The following MYO1E variants were observed in gnomAD, a reference collection of about 807,000 sequenced individuals.
The protein encoded by MYO1E is unconventional myosin-Ie.
MYO1E carries 68 observed loss-of-function variants against 151.1 expected under a neutral mutation model. The ratio of observed to expected loss-of-function variants is 0.45; its 90% confidence interval spans 0.37 to 0.55. The LOEUF is 0.55. Ranked by LOEUF, MYO1E falls within the 20% of genes least tolerant of loss-of-function variation. The pLI, the probability that MYO1E is intolerant of heterozygous loss-of-function variation, is 0.00. For synonymous variants in MYO1E, 601 were observed against 501.7 expected, an observed-to-expected ratio of 1.20 and a Z score of -2.64; for missense variants, 1,363 against 1,389.3, an observed-to-expected ratio of 0.98 and a Z score of 0.30.
intron 9 of MYO1E, 126 bp downstream of exon 9, chr15:59,222,933 G>A: frequency 7.1e-7 from 1 of 1,415,298 alleles, no homozygotes; most frequent in South Asian, 1.3e-5. Context: ...TTGCCACAGA[G>A]GACATGTAGA....
At chr15:59,359,282 T>TATA (rs142339999) in intron 1 of MYO1E, among the ~76,000 whole-genome samples, 7 of 10,156 alleles carry the variant, frequency 6.9e-4, no homozygotes, top group African/African-American at 9.1e-4. Flanking sequence ...TTTACATACA[T>TATA]ATATATATAT....
In MYO1E at chr15:59,294,751, T is replaced by C. The variant is rs376858295; in HGVS notation, c.4-22302A>G. Among the ~76,000 whole-genome samples the C allele has an allele frequency of 4.6e-5, 7 of 152,294 alleles. No individual in the cohort carries two copies. The East Asian group carries it at 9.6e-4, about 21-fold the overall frequency. On this transcript the variant is annotated intron_variant, in intron 1 of 27. Coordinates refer to ENST00000288235, the MANE Select transcript of MYO1E (RefSeq NM_004998.4). ...TCAGTGAGGTTCAAATTCCTTAGCC[T>C]AGCTCATAGCCCACTCTCCTTGCCA...
chr15:59,251,064 T>C (rs1221820793), intron 4 of MYO1E, among the ~76,000 whole-genome samples: 1 of 152,152 alleles, frequency 6.6e-6, no homozygotes, highest in Admixed American at 6.5e-5. Context: ...GGCAGAGGAC[T>C]CTATCAGAAA....
chr15:59,235,254 G>C (rs1051476630), intron 5 of MYO1E, among the ~76,000 whole-genome samples: 1 of 152,110 alleles, frequency 6.6e-6, no homozygotes, highest in Non-Finnish European at 1.5e-5. Flanking sequence ...AACCATGCAA[G>C]TTTCTAAAGG....
chr15:59,213,842 G>T (rs1182212383), intron 12 of MYO1E, among the ~76,000 whole-genome samples: 1 of 152,168 alleles, frequency 6.6e-6, no homozygotes, highest in African/African-American at 2.4e-5. Context: ...AAAAATGCAC[G>T]TATTGTTAGG....
Position 59,208,942 on chromosome 15 carries a change from C to T in MYO1E, c.1363-94G>A, listed in dbSNP as rs148407310. 1.0e-5 allele frequency: 15 copies of T among 1,436,608 alleles called. No homozygotes were observed. In the African/African-American group the frequency reaches 1.5e-4, roughly 15 times the overall value. 89.0% of individuals were successfully genotyped at this position (1,436,608 alleles called of 1,614,324 possible). A position where few individuals can be genotyped will look rare whatever the true frequency, so the allele number is the denominator to read the frequency against. ...TTTCTTAGGCAAGGAAACAGCTCCC[C>T]AGACTTAAGATACCATCTTGAAAGT... On this transcript the variant is annotated intron_variant, in intron 13 of 27. Transcript: ENST00000288235.
chr15:59,343,483 G>A (rs2080777031), intron 1 of MYO1E, among the ~76,000 whole-genome samples: 1 of 151,870 alleles, frequency 6.6e-6, no homozygotes, highest in Non-Finnish European at 1.5e-5. Flanking sequence ...CATGCCTTGA[G>A]GTAATTTCCT....
At chr15:59,293,780 C>G (rs575064041) in intron 1 of MYO1E, among the ~76,000 whole-genome samples, 1 of 152,012 alleles carries the variant, frequency 6.6e-6, no homozygotes, top group Non-Finnish European at 1.5e-5. Flanking sequence ...TGGTGGCTCA[C>G]GCCTGTAATC....
intron 18 of MYO1E, among the ~76,000 whole-genome samples, chr15:59,181,993 T>A (rs1373577225): frequency 6.6e-6 from 1 of 152,198 alleles, no homozygotes; most frequent in Non-Finnish European, 1.5e-5. Flanking sequence ...GGACTCTGGA[T>A]GAATTCTGCA....
intron 26 of MYO1E, among the ~76,000 whole-genome samples, chr15:59,152,221 GTC>G (rs1566965302): frequency 6.6e-6 from 1 of 152,202 alleles, no homozygotes; most frequent in East Asian, 1.9e-4. Flanking sequence ...GCGAGACCCT[GTC>G]TCAAAAAACA....
chr15:59,357,320 G>T (rs1484681286), intron 1 of MYO1E, among the ~76,000 whole-genome samples: 1 of 152,042 alleles, frequency 6.6e-6, no homozygotes, highest in African/African-American at 2.4e-5. Flanking sequence ...AACGAGAAAG[G>T]ATTCTACCTG....
intron 17 of MYO1E, among the ~76,000 whole-genome samples, chr15:59,193,757 C>G (rs1173423909): frequency 2.0e-5 from 3 of 152,122 alleles, no homozygotes; most frequent in Non-Finnish European, 4.4e-5. Flanking sequence ...AAGAATTGAC[C>G]AAAGAAGAGC....
At chr15:59,272,231 C>T (rs1471989996) in intron 2 of MYO1E, 75 bp downstream of exon 2, 3 of 1,567,426 alleles carry the variant, frequency 1.9e-6, no homozygotes, top group African/African-American at 2.7e-5. Flanking sequence ...CCACTGCACC[C>T]AGCATAAAGC....
intron 1 of MYO1E, among the ~76,000 whole-genome samples, chr15:59,311,893 G>C (rs2080554703): frequency 6.6e-6 from 1 of 152,080 alleles, no homozygotes; most frequent in Admixed American, 6.6e-5. Flanking sequence ...TCTCGTGCAC[G>C]CACTTGCCAT....
At chr15:59,253,370 C>G (rs567943201) in intron 4 of MYO1E, among the ~76,000 whole-genome samples, 33 of 152,156 alleles carry the variant, frequency 2.2e-4, no homozygotes, top group Admixed American at 1.3e-3. Flanking sequence ...TGATTTATAA[C>G]AGACGGGTTC....
chr15:59,183,970 A>G (rs967424329), intron 18 of MYO1E, among the ~76,000 whole-genome samples: 1 of 152,202 alleles, frequency 6.6e-6, no homozygotes, highest in East Asian at 1.9e-4. Context: ...TTCACTTAAC[A>G]TAATGATCTC....
intron 19 of MYO1E, among the ~76,000 whole-genome samples, chr15:59,175,642 G>C (rs1196086860): frequency 3.3e-5 from 5 of 152,206 alleles, no homozygotes; most frequent in Non-Finnish European, 7.3e-5. Flanking sequence ...TTTAAAATCT[G>C]AGCCCTGCAG....
At chr15:59,253,901 CTTTT>C (rs34819314) in intron 4 of MYO1E, among the ~76,000 whole-genome samples, 2 of 135,822 alleles carry the variant, frequency 1.5e-5, no homozygotes, top group Non-Finnish European at 1.6e-5. Context: ...GACAAACAAC[CTTTT>C]TTTTTTTTTT....
intron 8 of MYO1E, among the ~76,000 whole-genome samples, chr15:59,223,570 C>G (rs1226992018): frequency 6.6e-6 from 1 of 152,204 alleles, no homozygotes; most frequent in Non-Finnish European, 1.5e-5. Flanking sequence ...CAAGTCCTGT[C>G]TTCATCCTTT....
Sources: allele counts gnomAD v4.1 joint callset (sites outside exome capture counted in the v4.1 genomes callset), GRCh38; gene constraint gnomAD v4.1.1; transcripts MANE v1.5; gene names NCBI Gene and HGNC (gene_info 2026-07-23, HGNC 2026-07-21).